CFAP61: variants seen among roughly 807,000 people sequenced by gnomAD.
CFAP61 encodes cilia- and flagella-associated protein 61.
Under a neutral mutation model 135.6 loss-of-function variants are expected in CFAP61, and 107 were observed. The observed-to-expected ratio is 0.79, with a 90% confidence interval of 0.67 to 0.93. The LOEUF (loss-of-function observed/expected upper bound fraction) is 0.93. Ranked by LOEUF, CFAP61 falls within the 40% of genes least tolerant of loss-of-function variation. The pLI is 0.00. For synonymous variants in CFAP61, 575 were observed against 578.5 expected, an observed-to-expected ratio of 0.99 and a Z score of 0.09; for missense variants, 1,507 against 1,556.2, an observed-to-expected ratio of 0.97 and a Z score of 0.53.
At chr20:20,258,689 T>C (rs2051873356) in intron 20 of CFAP61, 1 of 152,178 alleles carries the variant, frequency 6.6e-6, no homozygotes, top group African/African-American at 2.4e-5. Flanking sequence ...AGAGTGAAAG[T>C]CTACTCCAAA....
At chr20:20,179,775 A>G (rs1370407085) in intron 13 of CFAP61, among the ~76,000 whole-genome samples, 3 of 152,202 alleles carry the variant, frequency 2.0e-5, no homozygotes, top group African/African-American at 7.2e-5. Context: ...AAGCAGTGGA[A>G]AAAGGATTCC....
intron 13 of CFAP61, chr20:20,184,749 G>A (rs1007963067): frequency 2.0e-5 from 3 of 152,238 alleles, no homozygotes; most frequent in Non-Finnish European, 4.4e-5. Context: ...AACTTCCTCA[G>A]GTAGGGAATT....
intron 25 of CFAP61, among the ~76,000 whole-genome samples, chr20:20,311,534 A>G (rs1417365654): frequency 6.6e-6 from 1 of 152,224 alleles, no homozygotes; most frequent in Non-Finnish European, 1.5e-5. Flanking sequence ...AAGGGGAAGC[A>G]GAGCCCATGC....
intron 8 of CFAP61, among the ~76,000 whole-genome samples, chr20:20,123,063 T>C (rs928629482): frequency 2.0e-5 from 3 of 151,900 alleles, no homozygotes; most frequent in Admixed American, 6.5e-5. Context: ...CAATTGTATA[T>C]CTTCTTTTGA....
intron 2 of CFAP61, among the ~76,000 whole-genome samples, chr20:20,062,321 CAG>C (rs1491312109): frequency 3.9e-5 from 6 of 152,160 alleles, no homozygotes; most frequent in African/African-American, 1.2e-4. Context: ...GCAAATAAAA[CAG>C]AGTAGCCACT....
chr20:20,257,104 C>A (rs1476186046), intron 20 of CFAP61, among the ~76,000 whole-genome samples: 1 of 152,092 alleles, frequency 6.6e-6, no homozygotes, highest in African/African-American at 2.4e-5. Flanking sequence ...AAACAGATAT[C>A]AAAATTTTTA....
At chr20:20,284,706 A>G (rs1368714112) in intron 22 of CFAP61, among the ~76,000 whole-genome samples, 1 of 152,206 alleles carries the variant, frequency 6.6e-6, no homozygotes, top group Non-Finnish European at 1.5e-5. Context: ...AAATGTAAAA[A>G]CCTTGCAGCT....
At chr20:20,085,221 A>C in intron 6 of CFAP61, 3 of 985,398 alleles carry the variant, frequency 3.0e-6, no homozygotes, top group Non-Finnish European at 3.6e-6. Context: ...CCTGACTTTG[A>C]CAGGCAGCGC....
In CFAP61 at chr20:20,359,308, A is replaced by T. The variant is rs1207232690; in HGVS notation, c.3514-902A>T. Among the ~76,000 whole-genome samples the T allele has an allele frequency of 1.3e-5, 2 of 152,196 alleles. No individual in the cohort carries two copies. Among genetic ancestry groups the T allele is most frequent in the African/African-American group, 4.8e-5 (2 of 41,460 alleles). On this transcript the variant is annotated intron_variant, in intron 26 of 26. Transcript: ENST00000245957. The surrounding 1 kb of genome is among the most constrained non-coding windows in gnomAD (Gnocchi z 4.0). ...GGAATTATAAGCAAGAAAACTTTTC[A>T]TATAGGACCTTTCAAGTAAAAAGGT...
intron 2 of CFAP61, among the ~76,000 whole-genome samples, chr20:20,069,410 G>A (rs2045549070): frequency 6.6e-6 from 1 of 152,164 alleles, no homozygotes; most frequent in African/African-American, 2.4e-5. Flanking sequence ...CTCCCGAGTA[G>A]CTGGGATTAC....
Position 20,320,373 on chromosome 20 carries a change from TTA to T in CFAP61, c.3423-21450_3423-21449del, listed in dbSNP as rs369000501. Among the ~76,000 whole-genome samples the T allele has an allele frequency of 7.7e-4, 31 of 40,318 alleles. 8 individuals are homozygous for T. Among genetic ancestry groups the T allele is most frequent in the East Asian group, 1.1e-3 (2 of 1,750 alleles). 26.5% of individuals were successfully genotyped at this position (40,318 alleles called of 152,430 possible). Reference sequence around the variant, plus strand: ...ATATATATAATATATGTAATATATATTATATATATGTAATATATATAATATAT... The same window carrying T: ...ATATATATAATATATGTAATATATATTATATATGTAATATATATAATATAT... On this transcript the variant is annotated intron_variant, in intron 25 of 26. Coordinates refer to ENST00000245957, the MANE Select transcript of CFAP61 (RefSeq NM_015585.4).
intron 8 of CFAP61, among the ~76,000 whole-genome samples, chr20:20,128,824 A>G (rs1453278310): frequency 6.6e-6 from 1 of 151,670 alleles, no homozygotes; most frequent in Non-Finnish European, 1.5e-5. Flanking sequence ...TACAGAAATA[A>G]CACATTATTT....
chr20:20,257,440 C>A (rs181890810), intron 20 of CFAP61, among the ~76,000 whole-genome samples: 28 of 151,924 alleles, frequency 1.8e-4, no homozygotes, highest in African/African-American at 6.0e-4. Flanking sequence ...CATGGTGAAA[C>A]CCCATCTCTA....
chr20:20,325,720 G>A (rs117887580), intron 25 of CFAP61, among the ~76,000 whole-genome samples: 1,812 of 152,260 alleles, frequency 0.012, 19 homozygotes, highest in Non-Finnish European at 0.019. Context: ...ACTCTTTTGG[G>A]ACTATACCAA....
intron 25 of CFAP61, among the ~76,000 whole-genome samples, chr20:20,334,460 G>A (rs538744822): frequency 6.6e-6 from 1 of 152,284 alleles, no homozygotes; most frequent in East Asian, 1.9e-4. Flanking sequence ...AGGTAAACCA[G>A]GATCATTGGC....
At chr20:20,320,931 A>G (rs2057481189) in intron 25 of CFAP61, among the ~76,000 whole-genome samples, 1 of 151,740 alleles carries the variant, frequency 6.6e-6, no homozygotes, top group Non-Finnish European at 1.5e-5. Flanking sequence ...ATTATTTGAA[A>G]TGTTTACATG....
intron 12 of CFAP61, among the ~76,000 whole-genome samples, chr20:20,168,380 A>C (rs2053983030): frequency 6.6e-6 from 1 of 152,238 alleles, no homozygotes; most frequent in South Asian, 2.1e-4. Context: ...TCATTTCAAC[A>C]TATAATCAAT....
chr20:20,292,354 C>G (rs1211910736), intron 24 of CFAP61, among the ~76,000 whole-genome samples: 1 of 152,178 alleles, frequency 6.6e-6, no homozygotes, highest in Non-Finnish European at 1.5e-5. Flanking sequence ...TTCCCAGATT[C>G]TTTTAGTTGC....
chr20:20,174,248 G>A (rs1373313090), intron 13 of CFAP61, among the ~76,000 whole-genome samples: 1 of 152,168 alleles, frequency 6.6e-6, no homozygotes, highest in East Asian at 1.9e-4. Context: ...CTCCTTCACA[G>A]CCTCCTCCAG....
Sources: gnomAD v4.1 joint callset for allele counts (sites outside exome capture counted in the v4.1 genomes callset) on GRCh38, gnomAD v4.1.1 for gene constraint, Gnocchi (gnomAD v3.1) non-coding constraint, MANE v1.5 for transcripts, NCBI Gene and HGNC (gene_info 2026-07-23, HGNC 2026-07-21) for gene names.